Variants in ABL1 observed in about 807,000 individuals in gnomAD.
The protein encoded by ABL1 is ABL proto-oncogene 1, non-receptor tyrosine kinase.
A neutral mutation model predicts 94.7 loss-of-function variants in ABL1; 11 were observed. The observed-to-expected ratio is 0.12, with a 90% CI of 0.07 to 0.19. The LOEUF (loss-of-function observed/expected upper bound fraction) is 0.19. Among genes scored for constraint, ABL1 ranks in the 10% least tolerant of loss-of-function variants. The pLI is 1.00. For missense variants in ABL1, 1,082 were observed against 1,489.4 expected (o/e 0.73, Z 4.50); for synonymous variants, 656 against 622.4 (o/e 1.05, Z -0.80).
intron 1 of ABL1, among the ~76,000 whole-genome samples, chr9:130,841,088 G>A (rs899415930): frequency 2.0e-5 from 3 of 151,990 alleles, no homozygotes; most frequent in Non-Finnish European, 2.9e-5. Context: ...TGGGCCACAC[G>A]TAAAACATAC....
At chr9:130,786,710 G>T (rs1829830687) in intron 1 of ABL1, among the ~76,000 whole-genome samples, 1 of 152,132 alleles carries the variant, frequency 6.6e-6, no homozygotes, top group African/African-American at 2.4e-5. Flanking sequence ...CCCTAGTGCG[G>T]CAAGCAGCTC....
At chr9:130,721,812 G>GTTTTTT (rs368491783) in intron 1 of ABL1, among the ~76,000 whole-genome samples, 1 of 133,242 alleles carries the variant, frequency 7.5e-6, no homozygotes, top group Non-Finnish European at 1.6e-5. Context: ...AATTTGTCAG[G>GTTTTTT]TTTTTTTTTG....
chr9:130,728,291 C>T (rs1303579388), intron 1 of ABL1, among the ~76,000 whole-genome samples: 1 of 141,750 alleles, frequency 7.1e-6, no homozygotes, highest in Non-Finnish European at 1.5e-5. Flanking sequence ...TGGTCTTGAA[C>T]TCCTGAGCTC....
chr9:130,876,737 T>C (rs1186153751), intron 7 of ABL1, among the ~76,000 whole-genome samples: 138 of 127,298 alleles, frequency 1.1e-3, no homozygotes, highest in Non-Finnish European at 1.5e-3. Flanking sequence ...TGGTTTCTTT[T>C]TTTTTTTTTT....
At chr9:130,848,326 C>T (rs1023389341) in intron 1 of ABL1, among the ~76,000 whole-genome samples, 5 of 146,898 alleles carry the variant, frequency 3.4e-5, no homozygotes, top group Non-Finnish European at 3.0e-5. Context: ...CATGGCAAAA[C>T]CCCGTCTCTA....
At chr9:130,726,342 C>G (rs1039639960) in intron 1 of ABL1, among the ~76,000 whole-genome samples, 33 of 152,220 alleles carry the variant, frequency 2.2e-4, no homozygotes, top group African/African-American at 7.9e-4. Context: ...CCTTCCTCCT[C>G]CTCAGAGATA....
intron 7 of ABL1, among the ~76,000 whole-genome samples, chr9:130,876,019 G>A (rs761850139): frequency 1.3e-5 from 2 of 152,148 alleles, no homozygotes; most frequent in Non-Finnish European, 2.9e-5. Context: ...GTAGAGACGG[G>A]GTTTTACCAT....
chr9:130,813,712 A>G (rs1192654759), intron 1 of ABL1, among the ~76,000 whole-genome samples: 4 of 152,218 alleles, frequency 2.6e-5, no homozygotes, highest in Non-Finnish European at 5.9e-5. Flanking sequence ...GAAAATCAAC[A>G]GCGAAGTAAG....
At chr9:130,817,919 T>C (rs1425686895) in intron 1 of ABL1, among the ~76,000 whole-genome samples, 3 of 152,232 alleles carry the variant, frequency 2.0e-5, no homozygotes, top group Non-Finnish European at 4.4e-5. Context: ...ATAGAGGCTT[T>C]GGTGTGGACA....
Position 130,771,974 on chromosome 9 carries a change from A to G in ABL1, c.136+57519A>G, listed in dbSNP as rs553929116. ...TCGCCATGTTGACCAGGCTGGTCTCAAACTCCTGGCCTCAGGTGAGCCGCC... is the reference window on the plus strand; with the variant it reads ...TCGCCATGTTGACCAGGCTGGTCTCGAACTCCTGGCCTCAGGTGAGCCGCC... On this transcript the variant is annotated intron_variant, in intron 1 of 10. Coordinates refer to the ABL1 transcript ENST00000372348. Among the ~76,000 whole-genome samples, 425 of 152,128 alleles carry G rather than the reference A, an allele frequency of 2.8e-3. 1 individual carries two copies. Among genetic ancestry groups the G allele is most frequent in the African/African-American group, 1.0e-2 (413 of 41,500 alleles).
intron 1 of ABL1, among the ~76,000 whole-genome samples, chr9:130,751,650 T>C (rs1167229947): frequency 6.6e-6 from 1 of 151,990 alleles, no homozygotes; most frequent in Non-Finnish European, 1.5e-5. Flanking sequence ...ATCAAAGCCT[T>C]ACTGCTCCTG....
chr9:130,714,553 C>T (rs1336229190), intron 1 of ABL1: 1 of 1,462,630 alleles, frequency 6.8e-7, no homozygotes, highest in South Asian at 1.1e-5. Context: ...CAGTTCCTTC[C>T]AATTCCACTT....
chr9:130,884,861 A>G lies in ABL1; in HGVS notation c.2571A>G (p.Ala857=). Residue 857 remains alanine, a synonymous_variant, in exon 11 of 11, where the codon GCA becomes GCG. Transcript: ENST00000318560. This position sits in a 1 kb window ranked among gnomAD's most constrained non-coding sequence, Gnocchi z 5.6. ...AAEPVTPTSK[A]GSGAPGGTSK... Reference sequence around the variant, plus strand: ...AGCCAGTGACCCCCACCAGCAAAGCAGGCTCAGGTGCACCAGGGGGCACCA... The same window carrying G: ...AGCCAGTGACCCCCACCAGCAAAGCGGGCTCAGGTGCACCAGGGGGCACCA... The G allele has an allele frequency of 6.2e-7, 1 of 1,605,900 alleles. No individual in the cohort carries two copies. Among genetic ancestry groups the G allele is most frequent in the Non-Finnish European group, 8.5e-7 (1 of 1,175,902 alleles).
chr9:130,841,893 T>C (rs1830678081), intron 1 of ABL1, among the ~76,000 whole-genome samples: 1 of 148,022 alleles, frequency 6.8e-6, no homozygotes, highest in Non-Finnish European at 1.5e-5. Flanking sequence ...GTGTGTTGAG[T>C]ACTGGTGATA....
chr9:130,802,880 C>G (rs1830074976), intron 1 of ABL1, among the ~76,000 whole-genome samples: 1 of 152,134 alleles, frequency 6.6e-6, no homozygotes, highest in Non-Finnish European at 1.5e-5. Flanking sequence ...GGTTTGAACA[C>G]AAATGTGTTT....
At chr9:130,729,783 T>C (rs185246049) in intron 1 of ABL1, among the ~76,000 whole-genome samples, 3 of 152,080 alleles carry the variant, frequency 2.0e-5, no homozygotes, top group Non-Finnish European at 4.4e-5. Flanking sequence ...TCGCCCAGGC[T>C]GGAGTGCAGT....
chr9:130,799,864 A>T (rs1344627178), intron 1 of ABL1, among the ~76,000 whole-genome samples: 1 of 150,648 alleles, frequency 6.6e-6, no homozygotes, highest in Non-Finnish European at 1.5e-5. Flanking sequence ...AAATTTTGGG[A>T]TATTTATACT....
intron 10 of ABL1, among the ~76,000 whole-genome samples, chr9:130,883,707 G>A (rs1485115082): frequency 6.6e-6 from 1 of 152,166 alleles, no homozygotes; most frequent in Non-Finnish European, 1.5e-5. Context: ...CCAGCTAGCC[G>A]AGAGGCCTAT....
chr9:130,858,410 G>A (rs576436168), intron 3 of ABL1, among the ~76,000 whole-genome samples: 1 of 152,034 alleles, frequency 6.6e-6, no homozygotes, highest in African/African-American at 2.4e-5. Context: ...TCCACCATTG[G>A]GCAACACATC....
Sources: gnomAD v4.1 joint callset for allele counts (sites outside exome capture counted in the v4.1 genomes callset) on GRCh38, gnomAD v4.1.1 for gene constraint, Gnocchi (gnomAD v3.1) non-coding constraint, MANE v1.5 for transcripts, NCBI Gene and HGNC (gene_info 2026-07-23, HGNC 2026-07-21) for gene names.